Variants in GRID1 observed in about 807,000 individuals in gnomAD.
GRID1 encodes the protein glutamate ionotropic receptor delta type subunit 1.
Under a neutral mutation model 98.0 loss-of-function variants are expected in GRID1, and 28 were observed. That is an observed-to-expected ratio of 0.29 (90% CI 0.21 to 0.39). GRID1 has a LOEUF of 0.39. GRID1 is among the 10% of genes least tolerant of loss of function. The probability of loss-of-function intolerance (pLI) is 1.00; values close to 1 mark genes in which losing one functional copy is unlikely to be tolerated. For missense variants in GRID1, 1,111 were observed against 1,340.5 expected, an observed-to-expected ratio of 0.83 and a Z score of 2.67; for synonymous variants, 553 against 538.5, an observed-to-expected ratio of 1.03 and a Z score of -0.37.
intron 4 of GRID1, among the ~76,000 whole-genome samples, chr10:85,922,407 A>T (rs1787990262): frequency 6.6e-6 from 1 of 152,232 alleles, no homozygotes; most frequent in Admixed American, 6.5e-5. Flanking sequence ...TTTATTTTAC[A>T]AAGTGCAAAT....
intron 12 of GRID1, among the ~76,000 whole-genome samples, chr10:85,703,468 A>G (rs1209979424): frequency 6.6e-6 from 1 of 152,114 alleles, no homozygotes; most frequent in African/African-American, 2.4e-5. Context: ...GTTAAGAAGA[A>G]AAAAGGAAAC....
At chr10:86,183,896 G>A (rs938888463) in intron 3 of GRID1, among the ~76,000 whole-genome samples, 5 of 152,230 alleles carry the variant, frequency 3.3e-5, no homozygotes, top group Non-Finnish European at 5.9e-5. Context: ...AGCAGTAAAT[G>A]AGAATTCCAG....
intron 2 of GRID1, among the ~76,000 whole-genome samples, chr10:86,264,233 C>T (rs549189114): frequency 1.1e-4 from 17 of 152,266 alleles, no homozygotes; most frequent in South Asian, 4.1e-4. Flanking sequence ...GACTTCAACA[C>T]GCCCCACTCT....
intron 2 of GRID1, among the ~76,000 whole-genome samples, chr10:86,340,580 A>G (rs1363795818): frequency 6.6e-6 from 1 of 152,152 alleles, no homozygotes; most frequent in Admixed American, 6.5e-5. Context: ...TGAATACTCC[A>G]GGGGCACAGG....
intron 2 of GRID1, among the ~76,000 whole-genome samples, chr10:86,232,164 C>T (rs755221659): frequency 2.0e-5 from 3 of 152,196 alleles, no homozygotes; most frequent in Non-Finnish European, 4.4e-5. Flanking sequence ...AATAGCGCAT[C>T]CCAATCCCAC....
chr10:86,232,342 A>C lies in GRID1; in HGVS notation c.236-25694T>G, dbSNP rs553353572. On this transcript the variant is annotated intron_variant, in intron 2 of 15. Transcript: ENST00000327946. ...ACTGAGGGTTCTCTGGCTGGCAGTC[A>C]CTGGGCATCTCTCTGAGCCTCAGTT... 2.0e-5 allele frequency among the ~76,000 whole-genome samples: 3 copies of C among 152,346 alleles called. No homozygotes were observed. In the East Asian group the frequency reaches 5.8e-4, roughly 29 times the overall value.
At chr10:85,970,707 T>C (rs1185176505) in intron 4 of GRID1, among the ~76,000 whole-genome samples, 1 of 152,072 alleles carries the variant, frequency 6.6e-6, no homozygotes, top group East Asian at 1.9e-4. Flanking sequence ...CTATGAAACA[T>C]CTGCAGCTAA....
intron 2 of GRID1, among the ~76,000 whole-genome samples, chr10:86,361,338 C>T (rs999646694): frequency 3.3e-5 from 5 of 152,250 alleles, no homozygotes; most frequent in African/African-American, 9.6e-5. Context: ...GTCCACCAGA[C>T]TCATAAAATG....
chr10:86,147,822 T>C (rs1028696346), intron 3 of GRID1, among the ~76,000 whole-genome samples: 15 of 152,166 alleles, frequency 9.9e-5, no homozygotes, highest in Non-Finnish European at 1.8e-4. Context: ...CATTTTATAT[T>C]GGGATCTCAC....
chr10:85,756,117 A>G (rs1252043016), intron 8 of GRID1, among the ~76,000 whole-genome samples: 1 of 151,992 alleles, frequency 6.6e-6, no homozygotes, highest in Non-Finnish European at 1.5e-5. Flanking sequence ...ACCGAACCCA[A>G]TTGCCATCAA....
At chr10:86,265,251 C>T (rs1847086824) in intron 2 of GRID1, among the ~76,000 whole-genome samples, 1 of 152,236 alleles carries the variant, frequency 6.6e-6, no homozygotes, top group Non-Finnish European at 1.5e-5. Context: ...TGACGGCTCC[C>T]TCTCTTGACT....
intron 2 of GRID1, among the ~76,000 whole-genome samples, chr10:86,306,735 C>A (rs1474481895): frequency 6.6e-6 from 1 of 152,188 alleles, no homozygotes; most frequent in Non-Finnish European, 1.5e-5. Context: ...AAACAGAGAT[C>A]CAAAGTCCCT....
chr10:86,090,735 C>G (rs1564672197), intron 4 of GRID1, among the ~76,000 whole-genome samples: 1 of 152,178 alleles, frequency 6.6e-6, no homozygotes, highest in Non-Finnish European at 1.5e-5. Flanking sequence ...AACAAACCAG[C>G]AATTCCGAGA....
intron 14 of GRID1, among the ~76,000 whole-genome samples, chr10:85,615,237 T>C (rs945491476): frequency 3.3e-5 from 5 of 152,212 alleles, no homozygotes; most frequent in South Asian, 2.1e-4. Context: ...GGCCTCCTGA[T>C]GGCTGGGAAT....
At chr10:86,093,390 A>G (rs1844175433) in intron 4 of GRID1, among the ~76,000 whole-genome samples, 1 of 149,490 alleles carries the variant, frequency 6.7e-6, no homozygotes, top group Non-Finnish European at 1.5e-5. Flanking sequence ...ATGAAACTGA[A>G]AAAAAAAAAA....
In GRID1 at chr10:85,890,252, T is replaced by C. The variant is rs142350318; in HGVS notation, c.781-21072A>G. 1.2e-3 allele frequency among the ~76,000 whole-genome samples: 178 copies of C among 152,202 alleles called. 2 individuals carry two copies. In the East Asian group the frequency reaches 0.033, roughly 29 times the overall value. Reference sequence around the variant, plus strand: ...CCATCGGGCAAACTATAGTTAACAATAATATACTGTATATTTCATAATAGC... The same window carrying C: ...CCATCGGGCAAACTATAGTTAACAACAATATACTGTATATTTCATAATAGC... On this transcript the variant is annotated intron_variant, in intron 5 of 15. Coordinates refer to ENST00000327946, the MANE Select transcript of GRID1 (RefSeq NM_017551.3).
intron 2 of GRID1, among the ~76,000 whole-genome samples, chr10:86,265,316 G>A (rs1847087601): frequency 6.6e-6 from 1 of 152,248 alleles, no homozygotes; most frequent in African/African-American, 2.4e-5. Flanking sequence ...TATTGCAAAA[G>A]TGATCCGAGT....
At chr10:85,790,541 TG>T (rs1212579293) in intron 8 of GRID1, among the ~76,000 whole-genome samples, 1 of 150,640 alleles carries the variant, frequency 6.6e-6, no homozygotes, top group Non-Finnish European at 1.5e-5. Context: ...GCAGAGGGAG[TG>T]GGGGGAAGGG....
chr10:86,145,137 A>C (rs1244900466), intron 3 of GRID1, among the ~76,000 whole-genome samples: 1 of 152,262 alleles, frequency 6.6e-6, no homozygotes, highest in Non-Finnish European at 1.5e-5. Flanking sequence ...TCAGTCAATC[A>C]AGTTGCAAAC....
Sources: gnomAD v4.1 joint callset for allele counts (sites outside exome capture counted in the v4.1 genomes callset) on GRCh38, gnomAD v4.1.1 for gene constraint, MANE v1.5 for transcripts, NCBI Gene and HGNC (gene_info 2026-07-23, HGNC 2026-07-21) for gene names.